Variants in DYNC1H1 observed in about 807,000 individuals in gnomAD.
DYNC1H1 encodes the protein dynein cytoplasmic 1 heavy chain 1, also known as cytoplasmic dynein 1 heavy chain 1.
A neutral mutation model predicts 527.1 loss-of-function variants in DYNC1H1; 51 were observed. The ratio of observed to expected loss-of-function variants is 0.10; its 90% CI spans 0.08 to 0.12. DYNC1H1 has a LOEUF of 0.12. Among genes scored for constraint, DYNC1H1 ranks in the 10% least tolerant of loss-of-function variants. The pLI, the probability that DYNC1H1 is intolerant of heterozygous loss-of-function variation, is 1.00. For synonymous variants in DYNC1H1, 2,189 were observed against 2,278.8 expected, an observed-to-expected ratio of 0.96 and a Z score of 1.12; for missense variants, 2,771 against 5,971.8, an observed-to-expected ratio of 0.46 and a Z score of 17.66.
intron 1 of DYNC1H1, among the ~76,000 whole-genome samples, chr14:101,967,257 A>G (rs1375976452): frequency 3.9e-5 from 6 of 152,232 alleles, no homozygotes; most frequent in African/African-American, 1.4e-4. Context: ...TTGTACATTT[A>G]ATCAAATATG....
Position 102,016,672 on chromosome 14 carries a change from T to A in DYNC1H1, c.7615-94T>A, listed in dbSNP as rs2048326693. On this transcript the variant is annotated intron_variant, in intron 37 of 77. Coordinates refer to ENST00000360184, the MANE Select transcript of DYNC1H1 (RefSeq NM_001376.5). This position sits in a 1 kb window ranked among gnomAD's most constrained non-coding sequence, Gnocchi z 7.3. ...AGATTAACCTGACCAATTACTTCCT[T>A]GTTCTGAAAGTTCAAGTTTGTGTTC... 2 of 1,542,890 alleles carry A rather than the reference T, an allele frequency of 1.3e-6. No individual in the cohort carries two copies. The highest frequency in any genetic ancestry group is 1.8e-6 in the Non-Finnish European group (2 of 1,131,964).
At position 102,015,391 on chromosome 14, in the gene DYNC1H1, G is replaced by C. The variant is rs539720576; in HGVS notation, c.7242+59G>C. On this transcript the variant is annotated intron_variant, in intron 35 of 77. Transcript: ENST00000360184. This position sits in a 1 kb window ranked among gnomAD's most constrained non-coding sequence, Gnocchi z 6.9. ...TGAGGGTGCTAGGATATTCAGATGTGGTCTCGCTGTGTTGCCCACGCTGGT... is the reference window on the plus strand; with the variant it reads ...TGAGGGTGCTAGGATATTCAGATGTCGTCTCGCTGTGTTGCCCACGCTGGT... 3.3e-5 allele frequency: 51 copies of C among 1,527,622 alleles called. No individual in the cohort carries two copies. The highest frequency in any genetic ancestry group is 4.1e-5 in the African/African-American group (3 of 73,100). The allele number at this position is 1,527,622 out of a possible 1,614,324, so 94.6% of individuals were successfully genotyped here.
intron 41 of DYNC1H1, among the ~76,000 whole-genome samples, chr14:102,019,030 C>T (rs184098484): frequency 2.3e-4 from 35 of 152,320 alleles, no homozygotes; most frequent in African/African-American, 8.4e-4. Context: ...TCTCCAAGGT[C>T]TGTCATCAAA....
Position 102,033,847 on chromosome 14 carries a change from G to A in DYNC1H1, c.10414-129G>A. On this transcript the variant is annotated intron_variant, in intron 54 of 77. Coordinates refer to ENST00000360184, the MANE Select transcript of DYNC1H1 (RefSeq NM_001376.5). This position sits in a 1 kb window ranked among gnomAD's most constrained non-coding sequence, Gnocchi z 5.6. Reference sequence around the variant, plus strand: ...TCTGGGTCTCATCTCCTCTGGGACTGTGAACAACTTGGGCACGTTTCTAAC... The same window carrying A: ...TCTGGGTCTCATCTCCTCTGGGACTATGAACAACTTGGGCACGTTTCTAAC... 1 of 982,752 alleles carries A rather than the reference G, an allele frequency of 1.0e-6. No individual in the cohort carries two copies. Among genetic ancestry groups the A allele is most frequent in the Non-Finnish European group, 1.6e-6 (1 of 641,144 alleles). 60.9% of individuals were successfully genotyped at this position (982,752 alleles called of 1,614,324 possible).
chr14:102,019,019 T>C (rs2152584072), intron 41 of DYNC1H1, among the ~76,000 whole-genome samples: 1 of 152,300 alleles, frequency 6.6e-6, no homozygotes, highest in Admixed American at 6.5e-5. Context: ...CCGAGAGACT[T>C]TCTCCAAGGT....
chr14:102,052,884 C>CT lies in DYNC1H1; in HGVS notation c.*2322dup, dbSNP rs2048830185. The CT allele has an allele frequency of 6.6e-6, 1 of 152,240 alleles. No homozygotes were observed. The highest frequency in any genetic ancestry group is 1.5e-5 in the Non-Finnish European group (1 of 68,040). 9.4% of individuals were successfully genotyped at this position (152,240 alleles called of 1,614,324 possible). On this transcript the variant is annotated 3_prime_UTR_variant, in exon 78 of 78. Transcript: ENST00000360184. ...CTACTATATGAACTTCCTCTGGACT[C>CT]TGACTTCAGTGTGTAGGAAGCCACC... is the stretch of plus-strand genomic sequence containing the variant.
Position 102,001,761 on chromosome 14 carries a change from C to T in DYNC1H1, c.4542+80C>T. 3.2e-6 allele frequency: 5 copies of T among 1,582,890 alleles called. No individual in the cohort carries two copies. In the East Asian group the frequency reaches 1.1e-4, roughly 35 times the overall value. On this transcript the variant is annotated intron_variant, in intron 21 of 77. Transcript: ENST00000360184. The surrounding 1 kb of genome is among the most constrained non-coding windows in gnomAD (Gnocchi z 5.0). ...TGTAATGCCTTTTCACTGACAGTTA[C>T]TAGGTACCTGTTTTTTATTGTATTT...
Position 101,997,179 on chromosome 14 carries a change from G to A in DYNC1H1, c.3709G>A (p.Ala1237Thr), listed in dbSNP as rs1287129606. The A allele has an allele frequency of 1.9e-6, 3 of 1,614,086 alleles. No individual in the cohort carries two copies. The highest frequency in any genetic ancestry group is 2.5e-6 in the Non-Finnish European group (3 of 1,180,030). The change falls in exon 16 of 78, where the codon GCA becomes ACA. Residue 1237 changes from alanine to threonine, a missense_variant. Coordinates refer to ENST00000360184, the MANE Select transcript of DYNC1H1 (RefSeq NM_001376.5). The surrounding 1 kb of genome is among the most constrained non-coding windows in gnomAD (Gnocchi z 4.8). The part of the protein sequence containing the change: ...RKDSAIQQQV[A>T]NLQMKIVQED... ...GGACTCTGCCATTCAGCAGCAGGTG[G>A]CAAACCTGCAAATGAAGATTGTCCA...
rs2048256505 is a variant in DYNC1H1 at position 102,011,350 on chromosome 14, T to C, written c.6618+398T>C. On this transcript the variant is annotated intron_variant, in intron 32 of 77. Coordinates refer to ENST00000360184, the MANE Select transcript of DYNC1H1 (RefSeq NM_001376.5). The surrounding 1 kb of genome is among the most constrained non-coding windows in gnomAD (Gnocchi z 5.3). ...TCTATGTGATTCATTTAAGAAAAAG[T>C]TTATTGTTTACACAAGCTGTGTGTG... 1 of 356,664 alleles carries C rather than the reference T, an allele frequency of 2.8e-6. No homozygotes were observed. 22.1% of individuals were successfully genotyped at this position (356,664 alleles called of 1,614,324 possible).
intron 5 of DYNC1H1, among the ~76,000 whole-genome samples, chr14:101,982,817 T>C (rs1299878966): frequency 6.6e-6 from 1 of 152,154 alleles, no homozygotes; most frequent in Non-Finnish European, 1.5e-5. Context: ...TATGTAGGAA[T>C]TGACTCATAC....
chr14:102,008,973 G>A (rs952265125), intron 29 of DYNC1H1, among the ~76,000 whole-genome samples: 1 of 152,230 alleles, frequency 6.6e-6, no homozygotes. Context: ...CGGGATGAGC[G>A]TGTCCTCTGG....
intron 1 of DYNC1H1, among the ~76,000 whole-genome samples, chr14:101,973,315 C>T (rs748262744): frequency 4.0e-5 from 6 of 151,772 alleles, no homozygotes; most frequent in African/African-American, 1.5e-4. Flanking sequence ...CCAACCACCA[C>T]ACCCAGCTAA....
rs1045180891 is a variant in DYNC1H1 at position 102,001,451 on chromosome 14, T to C, written c.4396-84T>C. On this transcript the variant is annotated intron_variant, in intron 20 of 77. Transcript: ENST00000360184. The surrounding 1 kb of genome is among the most constrained non-coding windows in gnomAD (Gnocchi z 5.0). ...ATGGAGCCTTGTCATCTGTGGTCCT[T>C]TTGGTTCTTATAATGCTGGGTCCCT... 3.7e-6 allele frequency: 6 copies of C among 1,613,240 alleles called. No homozygotes were observed. In the African/African-American group the frequency reaches 8.0e-5, roughly 22 times the overall value.
intron 73 of DYNC1H1, 70 bp from the exon 74 acceptor site, chr14:102,048,446 T>C: frequency 1.2e-6 from 2 of 1,606,590 alleles, no homozygotes; most frequent in South Asian, 2.2e-5. Flanking sequence ...GCCGAGTTAC[T>C]TCTGTTTGAC....
intron 1 of DYNC1H1, among the ~76,000 whole-genome samples, chr14:101,970,407 C>T (rs1330450766): frequency 2.0e-5 from 3 of 148,082 alleles, no homozygotes; most frequent in Non-Finnish European, 3.0e-5. Context: ...AAAGGGAGGC[C>T]GTGTATAATA....
rs2048574275 is a variant in DYNC1H1 at position 102,036,275 on chromosome 14, C to T, written c.10755-214C>T. ...CCCTCTTGGTGTATGACTCAAGCTACCTCCTCATGCCAATAGTTGTTCAAA... is the reference window on the plus strand; with the variant it reads ...CCCTCTTGGTGTATGACTCAAGCTATCTCCTCATGCCAATAGTTGTTCAAA... On this transcript the variant is annotated intron_variant, in intron 56 of 77. Coordinates refer to ENST00000360184, the MANE Select transcript of DYNC1H1 (RefSeq NM_001376.5). The surrounding 1 kb of genome is among the most constrained non-coding windows in gnomAD (Gnocchi z 5.6). The T allele has an allele frequency of 3.6e-6, 2 of 557,920 alleles. No individual in the cohort carries two copies. The highest frequency in any genetic ancestry group is 6.5e-6 in the Non-Finnish European group (2 of 309,988). 34.6% of individuals were successfully genotyped at this position (557,920 alleles called of 1,614,324 possible).
rs570451484 is a variant in DYNC1H1 at position 102,042,545 on chromosome 14, C to T, written c.12399+38C>T. On this transcript the variant is annotated intron_variant, in intron 68 of 77. Coordinates refer to ENST00000360184, the MANE Select transcript of DYNC1H1 (RefSeq NM_001376.5). This position sits in a 1 kb window ranked among gnomAD's most constrained non-coding sequence, Gnocchi z 5.7. ...AGGAGTGGAGACGTTGCAGGCTGGC[C>T]TGGCACTGTGCTGTCGGCACGTGTG... 5 of 1,613,942 alleles carry T rather than the reference C, an allele frequency of 3.1e-6. No individual in the cohort carries two copies. In the South Asian group the frequency reaches 3.3e-5, roughly 11 times the overall value.
rs79375714 is a variant in DYNC1H1, at chr14:102,001,284, A to T, written c.4325A>T (p.Asn1442Ile). Residue 1442 changes from asparagine (N) to isoleucine (I), a missense_variant, in exon 20 of 78, where the codon AAT becomes ATT. Transcript: ENST00000360184. This position sits in a 1 kb window ranked among gnomAD's most constrained non-coding sequence, Gnocchi z 5.0. Reference sequence around the variant, plus strand: ...ATCTGGGATGTTGACTTGCAGAAAAATGAAGCGATTGTCAAGGATGTACTG... The same window carrying T: ...ATCTGGGATGTTGACTTGCAGAAAATTGAAGCGATTGTCAAGGATGTACTG... ...GQIWDVDLQKNEAIVKDVLLV... is the reference protein window; with the variant it reads ...GQIWDVDLQKIEAIVKDVLLV... The T allele has an allele frequency of 6.2e-7, 1 of 1,614,206 alleles. No individual in the cohort carries two copies. Among genetic ancestry groups the T allele is most frequent in the Non-Finnish European group, 8.5e-7 (1 of 1,180,036 alleles).
chr14:102,040,419 TC>T lies in DYNC1H1; in HGVS notation c.11865+10del. ...AGGTTCAGGCAGACGAGGTGATTGTTCTCTTGAATGTTCCCAGTAGGTAAAT... is the reference window on the plus strand; with the variant it reads ...AGGTTCAGGCAGACGAGGTGATTGTTTCTTGAATGTTCCCAGTAGGTAAAT... On this transcript the variant is annotated intron_variant, in intron 63 of 77. Transcript: ENST00000360184. 1.9e-6 allele frequency: 3 copies of T among 1,614,168 alleles called. No individual in the cohort carries two copies. The highest frequency in any genetic ancestry group is 2.5e-6 in the Non-Finnish European group (3 of 1,180,024).
Sources: gnomAD v4.1 joint callset for allele counts (sites outside exome capture counted in the v4.1 genomes callset) on GRCh38, gnomAD v4.1.1 for gene constraint, Gnocchi (gnomAD v3.1) non-coding constraint, MANE v1.5 for transcripts, NCBI Gene and HGNC (gene_info 2026-07-23, HGNC 2026-07-21) for gene names.